The following BMS1 variants were observed in gnomAD, a reference collection of about 807,000 sequenced individuals.
The protein encoded by BMS1 is BMS1 ribosome biogenesis factor, also known as ribosome biogenesis protein BMS1 homolog.
In BMS1, 53 loss-of-function variants were observed where a neutral mutation model predicts 138.7. The ratio of observed to expected loss-of-function variants is 0.38; its 90% CI spans 0.31 to 0.48. BMS1 has a LOEUF of 0.48. BMS1 is among the 20% of genes least tolerant of loss of function. The pLI is 0.97. For missense variants in BMS1, 1,360 were observed against 1,565.5 expected, an observed-to-expected ratio of 0.87 and a Z score of 2.22; for synonymous variants, 504 against 539.9, an observed-to-expected ratio of 0.93 and a Z score of 0.92.
At position 42,833,273 on chromosome 10, in the gene BMS1, ATC is replaced by A. The variant is rs1378268524; in HGVS notation, c.*2181_*2182del. ...AGATTATTTAAACTAAAGTTAAGGA[ATC>A]TCTAATGTCTGAAAGAAACAATAAA... is the stretch of plus-strand genomic sequence containing the variant. On this transcript the variant is annotated 3_prime_UTR_variant, in exon 23 of 23. Transcript: ENST00000374518. 4 of 152,208 alleles carry A rather than the reference ATC, an allele frequency of 2.6e-5. No homozygotes were observed. Among genetic ancestry groups the A allele is most frequent in the Non-Finnish European group, 4.4e-5 (3 of 68,028 alleles). The allele number at this position is 152,208 out of a possible 1,614,324, so 9.4% of individuals were successfully genotyped here. A position where few individuals can be genotyped will look rare whatever the true frequency, so the allele number is the denominator to read the frequency against.
intron 3 of BMS1, among the ~76,000 whole-genome samples, 184 bp from the exon 4 acceptor site, chr10:42,786,984 A>G (rs1198878528): frequency 2.0e-5 from 3 of 152,228 alleles, no homozygotes; most frequent in Non-Finnish European, 2.9e-5. Context: ...GAACACAGCA[A>G]GAAAAACAGA....
At chr10:42,807,181 C>T (rs1842037278) in intron 13 of BMS1, among the ~76,000 whole-genome samples, 1 of 152,164 alleles carries the variant, frequency 6.6e-6, no homozygotes, top group Admixed American at 6.6e-5. Flanking sequence ...TATAAACACA[C>T]CCACGTCCCT....
intron 4 of BMS1, among the ~76,000 whole-genome samples, chr10:42,787,554 A>C (rs1466348154): frequency 6.6e-6 from 1 of 152,232 alleles, no homozygotes; most frequent in African/African-American, 2.4e-5. Flanking sequence ...ATACGTACAA[A>C]TATATCATAG....
At chr10:42,802,798 A>G (rs1589143139) in intron 13 of BMS1, among the ~76,000 whole-genome samples, 1 of 147,918 alleles carries the variant, frequency 6.8e-6, no homozygotes, top group Admixed American at 6.6e-5. Flanking sequence ...TTTATTTAAA[A>G]TAAATAAAAT....
intron 18 of BMS1, among the ~76,000 whole-genome samples, chr10:42,821,267 A>G (rs2132380521): frequency 6.6e-6 from 1 of 152,184 alleles, no homozygotes; most frequent in African/African-American, 2.4e-5. Context: ...ACCATGTGCT[A>G]AGCACTATAT....
rs1841547998 is a variant in BMS1 at position 42,792,758 on chromosome 10, G to C, written c.901+144G>C. ...AAGTAAGCCACCTATGTGTAGGCCT[G>C]CAAAGGTGTTACTGAATCCCCTCTT... is the stretch of plus-strand genomic sequence containing the variant. On this transcript the variant is annotated intron_variant, in intron 7 of 22. Transcript: ENST00000374518. The C allele has an allele frequency of 2.9e-6, 4 of 1,376,336 alleles. No homozygotes were observed. The Admixed American group carries it at 9.3e-5, about 32-fold the overall frequency. The allele number at this position is 1,376,336 out of a possible 1,614,324, so 85.3% of individuals were successfully genotyped here. A position where few individuals can be genotyped will look rare whatever the true frequency, so the allele number is the denominator to read the frequency against.
At chr10:42,790,247 G>A (rs1313900928) in intron 4 of BMS1, 76 bp from the exon 5 acceptor site, 35 of 1,451,106 alleles carry the variant, frequency 2.4e-5, no homozygotes, top group Middle Eastern at 2.5e-4. Flanking sequence ...GATTTTGCCC[G>A]TGGCCAGTTG....
chr10:42,820,742 G>A (rs1314975088), intron 17 of BMS1, 54 bp downstream of exon 17: 15 of 1,573,130 alleles, frequency 9.5e-6, no homozygotes, highest in Admixed American at 3.5e-5. Context: ...CTTACAGGCT[G>A]CGTTATTATA....
chr10:42,797,709 T>G (rs1176654277), intron 11 of BMS1, among the ~76,000 whole-genome samples, 186 bp downstream of exon 11: 2 of 152,218 alleles, frequency 1.3e-5, no homozygotes, highest in Non-Finnish European at 2.9e-5. Flanking sequence ...AAAGTAGACT[T>G]ATGGGTTTGC....
intron 13 of BMS1, among the ~76,000 whole-genome samples, chr10:42,806,909 G>C (rs909559467): frequency 7.2e-5 from 11 of 152,054 alleles, no homozygotes; most frequent in African/African-American, 2.7e-4. Flanking sequence ...CCTGTATCTT[G>C]TACTATAGCA....
intron 13 of BMS1, among the ~76,000 whole-genome samples, chr10:42,813,212 T>A (rs1842241432): frequency 6.6e-6 from 1 of 152,236 alleles, no homozygotes; most frequent in Non-Finnish European, 1.5e-5. Context: ...ATGAACAGTA[T>A]TTAGTTGGGC....
intron 13 of BMS1, among the ~76,000 whole-genome samples, chr10:42,811,349 T>G (rs1453633755): frequency 6.6e-6 from 1 of 151,030 alleles, no homozygotes; most frequent in Admixed American, 6.6e-5. Flanking sequence ...GGCCAATTTC[T>G]GCCCCTTATT....
rs188723250 is a variant in BMS1, at chr10:42,792,953, C to T, written c.902-4C>T. 48 of 1,608,216 alleles carry T rather than the reference C, an allele frequency of 3.0e-5. No homozygotes were observed. In the African/African-American group the frequency reaches 5.8e-4, roughly 19 times the overall value. ...GAAGCTGGCTTTTGGGTTCTGTCTT[C>T]CAGGGGTAGGAGATTTTGCCGTGAG... On this transcript the variant is annotated splice_region_variant and splice_polypyrimidine_tract_variant and intron_variant, in intron 7 of 22. Transcript: ENST00000374518.
rs1440751570 is a variant in BMS1, at chr10:42,796,819, T to A, written c.1575T>A (p.Ser525Arg). Residue 525 changes from serine (S) to arginine (R), a missense_variant, in exon 10 of 23, where the codon AGT becomes AGA. This residue lies in a region of BMS1 where 697 missense variants were observed against 686.2 expected (regional missense o/e 1.02). Transcript: ENST00000374518. ...AAGCGGAGGAAGCTGATGAAAGCAG[T>A]GAAGAAGAGGACTGCACTGCAGGAG... ...EGEAEEADES[S>R]EEEDCTAGEK... 1 of 1,614,078 alleles carries A rather than the reference T, an allele frequency of 6.2e-7. No homozygotes were observed. The highest frequency in any genetic ancestry group is 8.5e-7 in the Non-Finnish European group (1 of 1,180,010).
chr10:42,829,799 C>T (rs185486489), intron 21 of BMS1, among the ~76,000 whole-genome samples: 261 of 151,544 alleles, frequency 1.7e-3, no homozygotes, highest in Admixed American at 5.4e-3. Flanking sequence ...CTAGCCTGGG[C>T]GTCAAGGCAA....
intron 13 of BMS1, among the ~76,000 whole-genome samples, chr10:42,815,727 TG>T (rs1383635394): frequency 1.3e-5 from 2 of 152,112 alleles, no homozygotes; most frequent in African/African-American, 2.4e-5. Context: ...CTTTTAAGAG[TG>T]GGAACTATAA....
chr10:42,826,194 A>G (rs376589267), intron 21 of BMS1, among the ~76,000 whole-genome samples: 1 of 150,498 alleles, frequency 6.6e-6, no homozygotes. Flanking sequence ...TGTTTGCATC[A>G]GTGCTTAATT....
chr10:42,830,371 G>A lies in BMS1; in HGVS notation c.3567G>A (p.Val1189=). Residue 1189 remains valine (V), a synonymous_variant, in exon 22 of 23, where the codon GTG becomes GTA. Coordinates refer to ENST00000374518, the MANE Select transcript of BMS1 (RefSeq NM_014753.4). ...AGACCCAAGCAAAGGCAGGCAAGGT[G>A]CCAAAGGACAGGCGGAGACCGGCCG... is the stretch of plus-strand genomic sequence containing the variant. ...KPKTQAKAGK[V]PKDRRRPAVI... is the part of the protein sequence containing the mutation. 6.2e-7 allele frequency: 1 copy of A among 1,613,896 alleles called. No individual in the cohort carries two copies. Among genetic ancestry groups the A allele is most frequent in the Non-Finnish European group, 8.5e-7 (1 of 1,179,992 alleles).
At chr10:42,829,577 G>A (rs1842746125) in intron 21 of BMS1, among the ~76,000 whole-genome samples, 1 of 152,122 alleles carries the variant, frequency 6.6e-6, no homozygotes, top group South Asian at 2.1e-4. Flanking sequence ...ACTTTGGGAG[G>A]CCAAGGCAGG....
Sources: allele counts gnomAD v4.1 joint callset (sites outside exome capture counted in the v4.1 genomes callset), GRCh38; gene constraint gnomAD v4.1.1; regional missense constraint gnomAD v4.1.1; transcripts MANE v1.5; gene names NCBI Gene and HGNC (gene_info 2026-07-23, HGNC 2026-07-21).